Variants in CDH12 observed in about 807,000 individuals in gnomAD.
CDH12 encodes cadherin-12.
In CDH12, 41 loss-of-function variants were observed where a neutral mutation model predicts 74.1. The observed-to-expected ratio is 0.55, with a 90% CI of 0.43 to 0.72. CDH12 has a LOEUF of 0.72. CDH12 is among the 30% of genes least tolerant of loss of function. The pLI is 0.00. For missense variants in CDH12, 945 were observed against 977.2 expected, an observed-to-expected ratio of 0.97 and a Z score of 0.44; for synonymous variants, 399 against 355.0, an observed-to-expected ratio of 1.12 and a Z score of -1.39.
intron 5 of CDH12, among the ~76,000 whole-genome samples, chr5:22,010,261 T>C: frequency 6.6e-6 from 1 of 152,202 alleles, no homozygotes. Flanking sequence ...TAATGGATTG[T>C]AAAATTTTCT....
chr5:21,751,887 C>G lies in CDH12; in HGVS notation c.2235G>C (p.Gly745=), dbSNP rs754865378. 10 of 1,613,988 alleles carry G rather than the reference C, an allele frequency of 6.2e-6. No individual in the cohort carries two copies. The Admixed American group carries it at 1.7e-4, about 27-fold the overall frequency. ...TAGAGCTGAGGGACTCTGCCACGGA[C>G]CCACTCCCTTCGTAGGCATATGTGG... ...SLATYAYEGS[G]SVAESLSSID... is the part of the protein sequence containing the mutation. The change falls in exon 15 of 15, where the codon GGG becomes GGC. Residue 745 remains glycine (G), a synonymous_variant. Transcript: ENST00000382254.
intron 1 of CDH12, among the ~76,000 whole-genome samples, chr5:22,836,279 A>G (rs563470138): frequency 9.3e-5 from 11 of 118,894 alleles, no homozygotes; most frequent in Non-Finnish European, 1.4e-4. Context: ...GCTGAAGTGC[A>G]GTGATGCGAT....
In CDH12 at chr5:21,804,646, ACACACACACACACACAC is replaced by A. The variant is rs1561199484; in HGVS notation, c.1003-2243_1003-2227del. Among the ~76,000 whole-genome samples, 126 of 91,344 alleles carry A rather than the reference ACACACACACACACACAC, an allele frequency of 1.4e-3. 1 individual carries two copies. Among genetic ancestry groups the A allele is most frequent in the Non-Finnish European group, 1.9e-3 (88 of 45,322 alleles). 59.9% of individuals were successfully genotyped at this position (91,344 alleles called of 152,430 possible). A position where few individuals can be genotyped will look rare whatever the true frequency, so the allele number is the denominator to read the frequency against. ...AAATCATTCTATAGTGAATTAAAACACACACACACACACACACACACACACACACACACACACACACA... is the reference window on the plus strand; with the variant it reads ...AAATCATTCTATAGTGAATTAAAACAACACACACACACACACACACACACA... On this transcript the variant is annotated intron_variant, in intron 9 of 14. Transcript: ENST00000382254.
rs141021576 is a variant in CDH12 at position 22,697,845 on chromosome 5, G to A, written c.-523+155213C>T. On this transcript the variant is annotated intron_variant, in intron 1 of 14. Transcript: ENST00000382254. ...CTCATAAGAAAAGAAAGAGATACCT[G>A]AGAGCCCTCTCTGCATGTGCACGAA... 3.1e-3 allele frequency among the ~76,000 whole-genome samples: 478 copies of A among 152,118 alleles called. 4 individuals are homozygous for A. Among genetic ancestry groups the A allele is most frequent in the African/African-American group, 0.011 (459 of 41,500 alleles).
chr5:22,464,064 C>T (rs985607894), intron 2 of CDH12, among the ~76,000 whole-genome samples: 8 of 152,240 alleles, frequency 5.3e-5, no homozygotes, highest in East Asian at 1.9e-4. Flanking sequence ...ATCACAGGGA[C>T]GGGTCTTTCC....
At chr5:22,679,752 T>G (rs963128077) in intron 1 of CDH12, among the ~76,000 whole-genome samples, 1 of 152,148 alleles carries the variant, frequency 6.6e-6, no homozygotes, top group Non-Finnish European at 1.5e-5. Context: ...GGGAATTTAT[T>G]ATGTACATGC....
At chr5:22,511,933 T>TTG (rs3039486) in intron 1 of CDH12, among the ~76,000 whole-genome samples, 23,271 of 149,238 alleles carry the variant, frequency 0.16, 1,825 homozygotes, top group Middle Eastern at 0.2. Flanking sequence ...GTAACTATGA[T>TTG]TGTGTGTGTG....
At chr5:21,928,165 C>CT (rs1366874410) in intron 6 of CDH12, among the ~76,000 whole-genome samples, 1 of 152,060 alleles carries the variant, frequency 6.6e-6, no homozygotes, top group Non-Finnish European at 1.5e-5. Flanking sequence ...CATCTGCCAT[C>CT]TTTATAGATA....
chr5:22,838,851 G>A (rs761756087), intron 1 of CDH12, among the ~76,000 whole-genome samples: 7 of 152,054 alleles, frequency 4.6e-5, no homozygotes, highest in Middle Eastern at 3.4e-3. Context: ...GCTAATTTTT[G>A]TATTTTAATA....
intron 6 of CDH12, chr5:21,883,121 T>C (rs878941740): frequency 7.6e-6 from 12 of 1,581,430 alleles, no homozygotes; most frequent in South Asian, 3.3e-5. Flanking sequence ...TTTCTGCAAA[T>C]GGAGACAAAG....
At chr5:22,239,675 A>T (rs975103092) in intron 3 of CDH12, among the ~76,000 whole-genome samples, 3 of 152,100 alleles carry the variant, frequency 2.0e-5, no homozygotes, top group Non-Finnish European at 4.4e-5. Flanking sequence ...GGTGTTGAGG[A>T]AATTAAACTG....
At chr5:22,736,584 T>G (rs540774215) in intron 1 of CDH12, among the ~76,000 whole-genome samples, 1 of 151,970 alleles carries the variant, frequency 6.6e-6, no homozygotes, top group Non-Finnish European at 1.5e-5. Flanking sequence ...AAATTTATTT[T>G]AATTGAGGGA....
At chr5:21,920,654 C>A (rs920605616) in intron 6 of CDH12, among the ~76,000 whole-genome samples, 14 of 41,102 alleles carry the variant, frequency 3.4e-4, no homozygotes, top group South Asian at 2.5e-3. Flanking sequence ...CACATGTACC[C>A]CAGAACTTAA....
intron 1 of CDH12, among the ~76,000 whole-genome samples, chr5:22,551,099 A>C (rs1202903598): frequency 6.6e-6 from 1 of 152,192 alleles, no homozygotes; most frequent in Non-Finnish European, 1.5e-5. Flanking sequence ...GCCTTTAAAA[A>C]GGTAATTAGA....
chr5:22,690,886 A>G (rs996022404), intron 1 of CDH12, among the ~76,000 whole-genome samples: 1 of 152,124 alleles, frequency 6.6e-6, no homozygotes, highest in East Asian at 1.9e-4. Flanking sequence ...TTTTCAGGTC[A>G]TGCACCATCC....
chr5:21,983,597 T>C (rs1757400864), intron 5 of CDH12, among the ~76,000 whole-genome samples: 2 of 152,168 alleles, frequency 1.3e-5, no homozygotes, highest in African/African-American at 4.8e-5. Flanking sequence ...ATTCGAAAAC[T>C]ATTTTCCTTC....
intron 1 of CDH12, among the ~76,000 whole-genome samples, chr5:22,719,891 G>T (rs956056209): frequency 3.3e-5 from 5 of 152,102 alleles, no homozygotes; most frequent in African/African-American, 1.2e-4. Flanking sequence ...GAAGCGAGCA[G>T]GAAAGGGAGC....
Position 22,298,003 on chromosome 5 carries a change from A to C in CDH12, c.-332-85360T>G, listed in dbSNP as rs545270348. Among the ~76,000 whole-genome samples, 882 of 151,884 alleles carry C rather than the reference A, an allele frequency of 5.8e-3. 4 individuals are homozygous for C. The highest frequency in any genetic ancestry group is 0.017 in the Middle Eastern group (5 of 288). On this transcript the variant is annotated intron_variant, in intron 3 of 14. Transcript: ENST00000382254. ...AGACTTATATTTATAAATGCCAGCTATTGCTTTTAATAGCATTTAGTGTTT... is the reference window on the plus strand; with the variant it reads ...AGACTTATATTTATAAATGCCAGCTCTTGCTTTTAATAGCATTTAGTGTTT...
chr5:22,457,304 T>C (rs556255694), intron 2 of CDH12, among the ~76,000 whole-genome samples: 1 of 152,258 alleles, frequency 6.6e-6, no homozygotes, highest in East Asian at 1.9e-4. Flanking sequence ...AATCAAGGTG[T>C]CAGGTGGGCC....
Sources: allele counts gnomAD v4.1 joint callset (sites outside exome capture counted in the v4.1 genomes callset), GRCh38; gene constraint gnomAD v4.1.1; transcripts MANE v1.5; gene names NCBI Gene and HGNC (gene_info 2026-07-23, HGNC 2026-07-21).